KATNIP: variants seen among roughly 807,000 people sequenced by gnomAD.
KATNIP encodes katanin interacting protein.
Under a neutral mutation model 174.0 loss-of-function variants are expected in KATNIP, and 126 were observed. The observed-to-expected ratio is 0.72, with a 90% confidence interval of 0.63 to 0.84. The LOEUF (loss-of-function observed/expected upper bound fraction) is 0.84. Ranked by LOEUF, KATNIP falls within the 40% of genes least tolerant of loss-of-function variation. KATNIP has a pLI of 0.00. For synonymous variants in KATNIP, 810 were observed against 835.7 expected (o/e 0.97, Z 0.53); for missense variants, 1,958 against 2,109.7 (o/e 0.93, Z 1.41).
chr16:27,652,379 G>A (rs572625759), intron 6 of KATNIP, among the ~76,000 whole-genome samples: 2 of 152,188 alleles, frequency 1.3e-5, no homozygotes, highest in Non-Finnish European at 2.9e-5. Context: ...AAGTTTGAGG[G>A]GAAACCATCA....
At chr16:27,564,880 C>T (rs952845927) in intron 1 of KATNIP, among the ~76,000 whole-genome samples, 2 of 152,008 alleles carry the variant, frequency 1.3e-5, no homozygotes, top group Non-Finnish European at 2.9e-5. Context: ...TCTCCTGCCT[C>T]AGCCTCCATA....
Position 27,726,178 on chromosome 16 carries a change from C to T in KATNIP, c.1743+4483C>T, listed in dbSNP as rs182801854. Among the ~76,000 whole-genome samples, 98 of 152,264 alleles carry T rather than the reference C, an allele frequency of 6.4e-4. 1 individual carries two copies. Among genetic ancestry groups the T allele is most frequent in the East Asian group, 3.9e-4 (2 of 5,164 alleles). ...GCACATGCGAAGGATCTAGGCTGCA[C>T]GCTCCTTATGAGAATCTAATGCCTG... On this transcript the variant is annotated intron_variant, in intron 14 of 27. Coordinates refer to ENST00000261588, the MANE Select transcript of KATNIP (RefSeq NM_015202.5).
intron 6 of KATNIP, among the ~76,000 whole-genome samples, chr16:27,652,464 A>G (rs1293868213): frequency 6.6e-6 from 1 of 152,192 alleles, no homozygotes; most frequent in East Asian, 1.9e-4. Context: ...AGTCTTAGTT[A>G]TGTTGGCTTT....
intron 2 of KATNIP, among the ~76,000 whole-genome samples, chr16:27,582,177 C>G (rs369123429): frequency 7.2e-5 from 11 of 152,164 alleles, no homozygotes; most frequent in African/African-American, 2.4e-4. Flanking sequence ...GCAGATACTT[C>G]CTTCCCTTTT....
intron 1 of KATNIP, among the ~76,000 whole-genome samples, chr16:27,567,239 A>T (rs1188026911): frequency 6.6e-6 from 1 of 152,140 alleles, no homozygotes; most frequent in Non-Finnish European, 1.5e-5. Context: ...TCATTATGTT[A>T]TGTTTTTTAC....
At position 27,733,604 on chromosome 16, in the gene KATNIP, T is replaced by C. The variant is rs1287328518; in HGVS notation, c.1744-6437T>C. 5.6e-5 allele frequency among the ~76,000 whole-genome samples: 8 copies of C among 142,902 alleles called. No individual in the cohort carries two copies. The South Asian group carries it at 6.9e-4, about 12-fold the overall frequency. The allele number at this position is 142,902 out of a possible 152,430, so 93.7% of individuals were successfully genotyped here. A position where few individuals can be genotyped will look rare whatever the true frequency, so the allele number is the denominator to read the frequency against. The stretch of plus-strand genomic sequence containing the variant: ...ACACACACACACACACACACACACA[T>C]ATGCAGAGAGAGAGACAGGGTTCTA... On this transcript the variant is annotated intron_variant, in intron 14 of 27. Coordinates refer to ENST00000261588, the MANE Select transcript of KATNIP (RefSeq NM_015202.5).
intron 6 of KATNIP, among the ~76,000 whole-genome samples, chr16:27,671,421 G>A (rs375090876): frequency 1.3e-5 from 2 of 152,094 alleles, no homozygotes; most frequent in African/African-American, 2.4e-5. Flanking sequence ...CCTGGGGCTC[G>A]GTGAACACCC....
At chr16:27,765,604 G>A (rs2082094500) in intron 19 of KATNIP, among the ~76,000 whole-genome samples, 1 of 152,208 alleles carries the variant, frequency 6.6e-6, no homozygotes, top group Non-Finnish European at 1.5e-5. Flanking sequence ...CCCCCAGCAT[G>A]GGAAGGAAGG....
At position 27,648,506 on chromosome 16, in the gene KATNIP, A is replaced by G. The variant is rs1003933244; in HGVS notation, c.409-98A>G. Reference sequence around the variant, plus strand: ...ACACCACCCCATGGTATCTATGCCCATAGATCCTGGCTGAACCTCTCCAGT... The same window carrying G: ...ACACCACCCCATGGTATCTATGCCCGTAGATCCTGGCTGAACCTCTCCAGT... On this transcript the variant is annotated intron_variant, in intron 5 of 27. Transcript: ENST00000261588. 22 of 1,457,236 alleles carry G rather than the reference A, an allele frequency of 1.5e-5. No individual in the cohort carries two copies. In the Admixed American group the frequency reaches 2.9e-4, roughly 19 times the overall value. 90.3% of individuals were successfully genotyped at this position (1,457,236 alleles called of 1,614,324 possible). A position where few individuals can be genotyped will look rare whatever the true frequency, so the allele number is the denominator to read the frequency against.
chr16:27,556,206 C>T (rs1416942554), intron 1 of KATNIP, among the ~76,000 whole-genome samples: 2 of 151,962 alleles, frequency 1.3e-5, no homozygotes, highest in African/African-American at 4.8e-5. Flanking sequence ...ACACAGTTGA[C>T]AGAAGAGGGA....
chr16:27,669,592 C>T (rs764711157), intron 6 of KATNIP, among the ~76,000 whole-genome samples: 45 of 152,170 alleles, frequency 3.0e-4, no homozygotes, highest in African/African-American at 8.7e-4. Context: ...GCTTTCAAAG[C>T]GACCAGCCCA....
chr16:27,742,178 T>A (rs1196211475), intron 15 of KATNIP, among the ~76,000 whole-genome samples: 1 of 152,168 alleles, frequency 6.6e-6, no homozygotes, highest in Non-Finnish European at 1.5e-5. Flanking sequence ...ATATTTGCAC[T>A]CAGACTTGGC....
chr16:27,671,980 C>T (rs2077926121), intron 6 of KATNIP, among the ~76,000 whole-genome samples: 1 of 152,086 alleles, frequency 6.6e-6, no homozygotes, highest in African/African-American at 2.4e-5. Flanking sequence ...CGCTTGAACC[C>T]GGAAGGCGGA....
chr16:27,652,357 G>A (rs576892637), intron 6 of KATNIP, among the ~76,000 whole-genome samples: 50 of 152,196 alleles, frequency 3.3e-4, no homozygotes, highest in African/African-American at 4.1e-4. Context: ...ATAAAGATAC[G>A]GGATTCTCCT....
At chr16:27,675,107 C>T (rs896270432) in intron 6 of KATNIP, among the ~76,000 whole-genome samples, 1 of 152,186 alleles carries the variant, frequency 6.6e-6, no homozygotes, top group Admixed American at 6.5e-5. Context: ...CTAATAAAGA[C>T]ATACCTGAGA....
At chr16:27,698,238 T>C (rs2078982261) in intron 8 of KATNIP, 90 bp from the exon 9 acceptor site, 4 of 1,328,924 alleles carry the variant, frequency 3.0e-6, no homozygotes, top group Admixed American at 2.2e-5. Context: ...AGTTGTTTTA[T>C]AGAATGTTCC....
chr16:27,577,220 C>T (rs779198213), intron 2 of KATNIP, among the ~76,000 whole-genome samples: 22 of 152,216 alleles, frequency 1.4e-4, no homozygotes, highest in East Asian at 7.7e-4. Context: ...TTGCCAACCA[C>T]GGTACTTAGC....
Position 27,778,943 on chromosome 16 carries a change from T to C in KATNIP, c.*314T>C. 3.1e-6 allele frequency: 1 copy of C among 317,604 alleles called. No individual in the cohort carries two copies. Among genetic ancestry groups the C allele is most frequent in the Non-Finnish European group, 5.7e-6 (1 of 174,654 alleles). 19.7% of individuals were successfully genotyped at this position (317,604 alleles called of 1,614,324 possible). ...TGACCACTAGGGCCTGGGCTGACCC[T>C]GACTCAGAACAGGACAATGACGGGG... On this transcript the variant is annotated 3_prime_UTR_variant, in exon 28 of 28. Coordinates refer to ENST00000261588, the MANE Select transcript of KATNIP (RefSeq NM_015202.5).
Position 27,754,270 on chromosome 16 carries a change from G to A in KATNIP, c.3631+19G>A. On this transcript the variant is annotated intron_variant, in intron 18 of 27. Transcript: ENST00000261588. ...GGAATCTGTGAGTAGCTCTCCTGGA[G>A]CAGTGTTGGGTGGAAGGAGGACCTT... is the stretch of plus-strand genomic sequence containing the variant. 6.2e-7 allele frequency: 1 copy of A among 1,608,250 alleles called. No individual in the cohort carries two copies. The highest frequency in any genetic ancestry group is 1.1e-5 in the South Asian group (1 of 90,946).
Sources: gnomAD v4.1 joint callset for allele counts (sites outside exome capture counted in the v4.1 genomes callset) on GRCh38, gnomAD v4.1.1 for gene constraint, MANE v1.5 for transcripts, NCBI Gene and HGNC (gene_info 2026-07-23, HGNC 2026-07-21) for gene names.